Variants in ABCC1 observed in about 807,000 individuals in gnomAD.
ABCC1 encodes the protein ATP binding cassette subfamily C member 1 (ABCC1 blood group).
Under a neutral mutation model 172.9 loss-of-function variants are expected in ABCC1, and 83 were observed. That is an observed-to-expected ratio of 0.48 (90% CI 0.40 to 0.58). The LOEUF (loss-of-function observed/expected upper bound fraction) is 0.58. Ranked by LOEUF, ABCC1 falls within the 20% of genes least tolerant of loss-of-function variation. The pLI is 0.00. For synonymous variants in ABCC1, 937 were observed against 825.2 expected (o/e 1.14, Z -2.32); for missense variants, 1,817 against 2,002.7 (o/e 0.91, Z 1.77).
chr16:15,949,442 G>A (rs532716140), upstream of ABCC1: 461 of 151,268 alleles, frequency 3.0e-3, 1 homozygote, highest in Admixed American at 4.8e-3. Flanking sequence ...TGGGGTGGGG[G>A]TGGCGCGGGG....
chr16:16,015,443 T>C (rs550792652), intron 4 of ABCC1, among the ~76,000 whole-genome samples: 12 of 151,948 alleles, frequency 7.9e-5, no homozygotes, highest in African/African-American at 2.7e-4. Context: ...TGACCTGGAG[T>C]GTGTGCTTTT....
intron 5 of ABCC1, among the ~76,000 whole-genome samples, chr16:16,026,997 TG>T (rs1302551200): frequency 2.0e-5 from 3 of 152,132 alleles, no homozygotes; most frequent in Non-Finnish European, 4.4e-5. Flanking sequence ...TTTCTACCAG[TG>T]GCTGGGGACT....
intron 10 of ABCC1, among the ~76,000 whole-genome samples, chr16:16,050,864 A>C (rs1165603693): frequency 6.6e-6 from 1 of 151,786 alleles, no homozygotes; most frequent in Non-Finnish European, 1.5e-5. Flanking sequence ...GGATCACACC[A>C]CTGCACTCCT....
At chr16:15,953,057 C>T (rs1370052516) in intron 1 of ABCC1, among the ~76,000 whole-genome samples, 2 of 151,118 alleles carry the variant, frequency 1.3e-5, no homozygotes, top group Non-Finnish European at 3.0e-5. Flanking sequence ...AAAAGAGGGC[C>T]GGGTGTAGTA....
At chr16:15,976,767 G>A (rs1050196805) in intron 1 of ABCC1, among the ~76,000 whole-genome samples, 2 of 152,146 alleles carry the variant, frequency 1.3e-5, no homozygotes, top group East Asian at 3.8e-4. Flanking sequence ...AACCCCTAAC[G>A]AGTATTCTAT....
chr16:15,957,678 C>T (rs2046028629), intron 1 of ABCC1, among the ~76,000 whole-genome samples: 1 of 152,176 alleles, frequency 6.6e-6, no homozygotes, highest in Admixed American at 6.5e-5. Flanking sequence ...TCACTGCAAC[C>T]TCTGCCTCCT....
rs183083217 is a variant in ABCC1 at position 16,052,612 on chromosome 16, G to A, written c.1381-112G>A. The stretch of plus-strand genomic sequence containing the variant: ...TTGTGGGGTAAAAGTAACACACCTT[G>A]CCCTGAACTTGGTCAGCAGCATCCA... On this transcript the variant is annotated intron_variant, in intron 10 of 30. Transcript: ENST00000399410. 1.2e-3 allele frequency: 1,099 copies of A among 923,874 alleles called. 2 individuals are homozygous for A. Among genetic ancestry groups the A allele is most frequent in the Non-Finnish European group, 1.6e-3 (962 of 584,416 alleles). The allele number at this position is 923,874 out of a possible 1,614,324, so 57.2% of individuals were successfully genotyped here. A position where few individuals can be genotyped will look rare whatever the true frequency, so the allele number is the denominator to read the frequency against.
chr16:16,016,731 T>C, intron 5 of ABCC1, 110 bp downstream of exon 5: 2 of 1,469,210 alleles, frequency 1.4e-6, no homozygotes, highest in Non-Finnish European at 9.2e-7. Context: ...CCAGCCTCCC[T>C]CAACCCCTGA....
chr16:16,083,856 C>T (rs1016387303), intron 17 of ABCC1, among the ~76,000 whole-genome samples: 1 of 152,156 alleles, frequency 6.6e-6, no homozygotes. Flanking sequence ...CCTTAAAGTA[C>T]ACTGTCCCTT....
chr16:16,030,339 A>C (rs2048519917), intron 5 of ABCC1, among the ~76,000 whole-genome samples: 1 of 152,144 alleles, frequency 6.6e-6, no homozygotes, highest in East Asian at 1.9e-4. Context: ...CTGTTCACCA[A>C]CATGGTGAAA....
intron 7 of ABCC1, among the ~76,000 whole-genome samples, chr16:16,042,700 C>T (rs2049022735): frequency 8.5e-6 from 1 of 116,996 alleles, no homozygotes; most frequent in South Asian, 2.4e-4. Flanking sequence ...AAGACTCCAT[C>T]TCAAAAAAAA....
chr16:15,973,715 C>A (rs1022778913), intron 1 of ABCC1, among the ~76,000 whole-genome samples: 1 of 151,946 alleles, frequency 6.6e-6, no homozygotes, highest in Non-Finnish European at 1.5e-5. Context: ...GTGACTCATG[C>A]CTATAATCCC....
intron 1 of ABCC1, among the ~76,000 whole-genome samples, chr16:15,953,316 G>A (rs2045919196): frequency 6.6e-6 from 1 of 152,098 alleles, no homozygotes; most frequent in African/African-American, 2.4e-5. Context: ...CTGGGCGACA[G>A]AGAGACTGTC....
intron 1 of ABCC1, among the ~76,000 whole-genome samples, chr16:15,965,435 G>A (rs1378108772): frequency 1.3e-5 from 2 of 151,920 alleles, no homozygotes; most frequent in Non-Finnish European, 2.9e-5. Context: ...GGGACTACAG[G>A]CACCTGCCAC....
intron 5 of ABCC1, among the ~76,000 whole-genome samples, chr16:16,029,547 T>C (rs1462098240): frequency 1.3e-5 from 2 of 152,204 alleles, no homozygotes; most frequent in Non-Finnish European, 2.9e-5. Context: ...TACCATGCAT[T>C]GCATAGGTGA....
chr16:16,060,438 C>T (rs1476379187), intron 12 of ABCC1, among the ~76,000 whole-genome samples: 1 of 152,182 alleles, frequency 6.6e-6, no homozygotes. Flanking sequence ...CTTCCAGCTC[C>T]AATGCCCCTG....
intron 26 of ABCC1, among the ~76,000 whole-genome samples, chr16:16,127,032 T>C (rs530936758): frequency 7.2e-5 from 11 of 152,124 alleles, no homozygotes; most frequent in Non-Finnish European, 1.6e-4. Context: ...TGCGTTGCCC[T>C]TAATAACTGC....
At chr16:16,071,871 A>C (rs1302129636) in intron 14 of ABCC1, 142 bp downstream of exon 14, 2 of 722,086 alleles carry the variant, frequency 2.8e-6, no homozygotes, top group Non-Finnish European at 4.7e-6. Context: ...CCGGGGGACA[A>C]GGGTTCTGCA....
chr16:16,037,113 AAG>A (rs981367418), intron 7 of ABCC1, among the ~76,000 whole-genome samples: 20 of 152,046 alleles, frequency 1.3e-4, no homozygotes, highest in Non-Finnish European at 2.5e-4. Flanking sequence ...AAAAAAAAAA[AAG>A]AAGAAAAATG....
Sources: gnomAD v4.1 joint callset for allele counts (sites outside exome capture counted in the v4.1 genomes callset) on GRCh38, gnomAD v4.1.1 for gene constraint, MANE v1.5 for transcripts, NCBI Gene and HGNC (gene_info 2026-07-23, HGNC 2026-07-21) for gene names.